TENM4: variants seen among roughly 807,000 people sequenced by gnomAD.
TENM4 encodes teneurin transmembrane protein 4.
In TENM4, 82 loss-of-function variants were observed where a neutral mutation model predicts 243.3. That is an observed-to-expected ratio of 0.34 (90% CI 0.28 to 0.40). The LOEUF is 0.40. TENM4 is among the 10% of genes least tolerant of loss of function. The pLI, the probability that TENM4 is intolerant of heterozygous loss-of-function variation, is 1.00. For missense variants in TENM4, 3,138 were observed against 3,673.3 expected (o/e 0.85, Z 3.77); for synonymous variants, 1,412 against 1,456.3 (o/e 0.97, Z 0.69).
intron 16 of TENM4, among the ~76,000 whole-genome samples, chr11:78,785,872 A>G (rs2136034776): frequency 6.6e-6 from 1 of 152,258 alleles, no homozygotes; most frequent in African/African-American, 2.4e-5. Flanking sequence ...CTTGTCTTCC[A>G]GTTTCTCTAA....
intron 1 of TENM4, among the ~76,000 whole-genome samples, chr11:79,434,768 C>G (rs1010062952): frequency 6.6e-6 from 1 of 152,132 alleles, no homozygotes; most frequent in East Asian, 1.9e-4. Context: ...TCATGGTTTA[C>G]CTAACTGCTT....
At chr11:78,684,329 T>C (rs1314084313) in intron 29 of TENM4, among the ~76,000 whole-genome samples, 4 of 152,238 alleles carry the variant, frequency 2.6e-5, no homozygotes, top group African/African-American at 9.6e-5. Flanking sequence ...ACTAGGACAA[T>C]AATTGTACCC....
chr11:78,848,276 C>T (rs1858450462), intron 12 of TENM4, among the ~76,000 whole-genome samples: 1 of 152,064 alleles, frequency 6.6e-6, no homozygotes, highest in Non-Finnish European at 1.5e-5. Flanking sequence ...ATTTTATTCC[C>T]TTGCTCAAAA....
chr11:79,114,233 C>T (rs1861571112), intron 4 of TENM4, among the ~76,000 whole-genome samples: 1 of 152,106 alleles, frequency 6.6e-6, no homozygotes, highest in Non-Finnish European at 1.5e-5. Flanking sequence ...AAAGTTGTAG[C>T]TGAAGTACAA....
intron 4 of TENM4, among the ~76,000 whole-genome samples, chr11:79,133,368 C>A (rs1862048101): frequency 6.6e-6 from 1 of 151,994 alleles, no homozygotes; most frequent in African/African-American, 2.4e-5. Context: ...AAAAAATTAC[C>A]AACAACAAAG....
At chr11:78,890,137 G>C in intron 8 of TENM4, 117 bp from the exon 9 acceptor site, 1 of 759,884 alleles carries the variant, frequency 1.3e-6, no homozygotes, top group Non-Finnish European at 2.1e-6. Flanking sequence ...TGGATAGAGA[G>C]AGTCACCACA....
At chr11:79,209,121 T>A (rs1388946999) in intron 3 of TENM4, among the ~76,000 whole-genome samples, 1 of 152,236 alleles carries the variant, frequency 6.6e-6, no homozygotes, top group Non-Finnish European at 1.5e-5. Flanking sequence ...CATTTGGAAA[T>A]AAACTAGCAT....
chr11:79,040,876 A>C (rs1300851487), intron 6 of TENM4, among the ~76,000 whole-genome samples: 1 of 152,186 alleles, frequency 6.6e-6, no homozygotes, highest in Non-Finnish European at 1.5e-5. Flanking sequence ...GCAGATTCCC[A>C]AGCTTCTCCC....
At chr11:78,974,322 A>T (rs535981157) in intron 6 of TENM4, among the ~76,000 whole-genome samples, 32 of 152,290 alleles carry the variant, frequency 2.1e-4, no homozygotes, top group African/African-American at 7.7e-4. Context: ...CACAGCCATG[A>T]TCTCATGTGA....
chr11:79,178,920 T>A (rs990885935), intron 3 of TENM4, among the ~76,000 whole-genome samples: 5 of 152,256 alleles, frequency 3.3e-5, no homozygotes, highest in Admixed American at 2.6e-4. Flanking sequence ...TGTGTATGTA[T>A]CTGGCTAGAA....
At chr11:79,235,165 T>G (rs999152788) in intron 2 of TENM4, among the ~76,000 whole-genome samples, 1 of 151,884 alleles carries the variant, frequency 6.6e-6, no homozygotes, top group Non-Finnish European at 1.5e-5. Flanking sequence ...TACAAAAAAT[T>G]AGCCAGGCGT....
chr11:78,969,579 C>T (rs1034942365), intron 6 of TENM4, among the ~76,000 whole-genome samples: 3 of 152,332 alleles, frequency 2.0e-5, no homozygotes, highest in Non-Finnish European at 2.9e-5. Context: ...TAACACTTTG[C>T]TCAGCAGTCC....
Position 79,291,200 on chromosome 11 carries a change from C to T in TENM4, c.-265+6288G>A, listed in dbSNP as rs183229688. On this transcript the variant is annotated intron_variant, in intron 2 of 33. Transcript: ENST00000278550. ...GGTGACTCTGTGACCCTAGGATGCACGGGGAAGCACAGAAAACCCTTCTCA... is the reference window on the plus strand; with the variant it reads ...GGTGACTCTGTGACCCTAGGATGCATGGGGAAGCACAGAAAACCCTTCTCA... Among the ~76,000 whole-genome samples, 98 of 152,142 alleles carry T rather than the reference C, an allele frequency of 6.4e-4. 2 individuals are homozygous for T. The highest frequency in any genetic ancestry group is 2.3e-3 in the African/African-American group (94 of 41,492).
intron 6 of TENM4, among the ~76,000 whole-genome samples, chr11:79,020,189 GA>G (rs1347344445): frequency 1.3e-5 from 2 of 152,302 alleles, no homozygotes; most frequent in East Asian, 3.9e-4. Flanking sequence ...CTGATCCAGA[GA>G]AATCAAGAGA....
chr11:79,231,517 T>G (rs1369425431), intron 2 of TENM4, among the ~76,000 whole-genome samples: 1 of 152,120 alleles, frequency 6.6e-6, no homozygotes, highest in African/African-American at 2.4e-5. Context: ...GATAAAATAA[T>G]CAGACATGAT....
At chr11:78,831,522 T>C (rs904559813) in intron 12 of TENM4, among the ~76,000 whole-genome samples, 7 of 152,190 alleles carry the variant, frequency 4.6e-5, no homozygotes, top group African/African-American at 9.6e-5. Context: ...GAGGAAGGCA[T>C]TGTCACTCAA....
intron 4 of TENM4, among the ~76,000 whole-genome samples, chr11:79,080,312 A>G (rs77141070): frequency 0.043 from 6,516 of 152,310 alleles, 251 homozygotes; most frequent in East Asian, 0.19. Context: ...AAGAGCCCAC[A>G]GGAATGTCAG....
intron 4 of TENM4, among the ~76,000 whole-genome samples, chr11:79,136,099 G>A (rs1265530401): frequency 1.3e-5 from 2 of 151,982 alleles, no homozygotes; most frequent in Non-Finnish European, 2.9e-5. Flanking sequence ...TACTGCTTGG[G>A]TGATGAGTGC....
At chr11:78,661,786 C>T (rs1858037613) in intron 32 of TENM4, among the ~76,000 whole-genome samples, 195 bp from the exon 33 acceptor site, 1 of 152,132 alleles carries the variant, frequency 6.6e-6, no homozygotes, top group Non-Finnish European at 1.5e-5. Context: ...CAATCCCCAT[C>T]CCAAGTATAT....
Sources: gnomAD v4.1 joint callset for allele counts (sites outside exome capture counted in the v4.1 genomes callset) on GRCh38, gnomAD v4.1.1 for gene constraint, MANE v1.5 for transcripts, NCBI Gene and HGNC (gene_info 2026-07-23, HGNC 2026-07-21) for gene names.